PRKN: variants seen among roughly 807,000 people sequenced by gnomAD.
PRKN encodes E3 ubiquitin-protein ligase parkin.
PRKN carries 56 observed loss-of-function variants against 59.5 expected under a neutral mutation model. The observed-to-expected ratio is 0.94, with a 90% CI of 0.76 to 1.18. The LOEUF (loss-of-function observed/expected upper bound fraction) is 1.18, where lower values mean the gene tolerates loss of function less well. Ranked by LOEUF, PRKN falls within the 50% of genes most tolerant of loss-of-function variation. PRKN has a pLI of 0.00. For missense variants in PRKN, 657 were observed against 596.4 expected (o/e 1.10, Z -1.06); for synonymous variants, 250 against 222.1 (o/e 1.13, Z -1.12).
intron 2 of PRKN, among the ~76,000 whole-genome samples, chr6:162,415,687 C>A (rs1249555079): frequency 6.6e-6 from 1 of 151,988 alleles, no homozygotes; most frequent in African/African-American, 2.4e-5. Flanking sequence ...CCTGGTGACA[C>A]CCATCTGTAG....
chr6:161,793,398 T>A (rs1348191303), intron 6 of PRKN, among the ~76,000 whole-genome samples: 2 of 152,152 alleles, frequency 1.3e-5, no homozygotes, highest in Non-Finnish European at 2.9e-5. Context: ...GGGTTTACTT[T>A]GGTTCTGTAA....
intron 9 of PRKN, among the ~76,000 whole-genome samples, chr6:161,474,346 T>C (rs1176612891): frequency 4.6e-5 from 7 of 152,202 alleles, no homozygotes. Context: ...ACCAAGCCTC[T>C]TGTTTCCTAT....
At chr6:162,227,213 T>C (rs1778220319) in intron 3 of PRKN, among the ~76,000 whole-genome samples, 1 of 152,342 alleles carries the variant, frequency 6.6e-6, no homozygotes, top group South Asian at 2.1e-4. Context: ...TTTTAGTGTG[T>C]GTGTTAATTC....
chr6:161,430,334 A>C (rs188230899), intron 9 of PRKN, among the ~76,000 whole-genome samples: 2 of 152,206 alleles, frequency 1.3e-5, no homozygotes, highest in African/African-American at 4.8e-5. Flanking sequence ...CCCACCTCTT[A>C]ACACTATTAC....
chr6:161,424,095 C>T (rs1184299047), intron 9 of PRKN, among the ~76,000 whole-genome samples: 8 of 152,096 alleles, frequency 5.3e-5, no homozygotes, highest in East Asian at 3.9e-4. Flanking sequence ...CCAGCACTTT[C>T]GGAGGCCAAG....
At chr6:162,075,275 A>G (rs1005960495) in intron 4 of PRKN, among the ~76,000 whole-genome samples, 6 of 152,334 alleles carry the variant, frequency 3.9e-5, no homozygotes, top group East Asian at 3.9e-4. Flanking sequence ...CTTGATAATT[A>G]TGACTGGAAC....
chr6:162,617,575 TC>T (rs1345854830), intron 1 of PRKN, among the ~76,000 whole-genome samples: 4 of 93,058 alleles, frequency 4.3e-5, no homozygotes, highest in Admixed American at 3.4e-4. Context: ...ATGCAATTAT[TC>T]CTTCTGTCTA....
rs1175223053 is a variant in PRKN at position 161,497,249 on chromosome 6, G to A, written c.1083+51605C>T. On this transcript the variant is annotated intron_variant, in intron 9 of 11. Transcript: ENST00000366898. This position sits in a 1 kb window ranked among gnomAD's most constrained non-coding sequence, Gnocchi z 4.6. Reference sequence around the variant, plus strand: ...AGTACAGGAAGCTCTGCCAAGGAGTGGAAGGGATTTGTACCTCCTTAGGAC... The same window carrying A: ...AGTACAGGAAGCTCTGCCAAGGAGTAGAAGGGATTTGTACCTCCTTAGGAC... Among the ~76,000 whole-genome samples, 1 of 152,174 alleles carries A rather than the reference G, an allele frequency of 6.6e-6. No individual in the cohort carries two copies. The highest frequency in any genetic ancestry group is 1.5e-5 in the Non-Finnish European group (1 of 68,038).
At chr6:162,267,693 A>G (rs1204028775) in intron 2 of PRKN, among the ~76,000 whole-genome samples, 1 of 152,192 alleles carries the variant, frequency 6.6e-6, no homozygotes, top group Non-Finnish European at 1.5e-5. Context: ...TTGGTCTTAC[A>G]CTGTCAAGCA....
At chr6:162,263,310 T>G (rs1199750254) in intron 2 of PRKN, 1 of 190,076 alleles carries the variant, frequency 5.3e-6, no homozygotes, top group Non-Finnish European at 1.1e-5. Context: ...CATCTCTGTT[T>G]TACAAAAGTA....
chr6:162,603,409 T>C (rs539666267), intron 1 of PRKN, among the ~76,000 whole-genome samples: 149 of 152,340 alleles, frequency 9.8e-4, no homozygotes, highest in African/African-American at 3.4e-3. Flanking sequence ...TGCAGCCTGC[T>C]ATTGGTTTCT....
intron 2 of PRKN, among the ~76,000 whole-genome samples, chr6:162,408,921 C>T (rs1788207308): frequency 6.7e-6 from 1 of 149,182 alleles, no homozygotes; most frequent in Admixed American, 6.7e-5. Flanking sequence ...ACCTCACTTT[C>T]CCCTCCCCTC....
intron 1 of PRKN, among the ~76,000 whole-genome samples, chr6:162,553,798 T>C (rs1305136840): frequency 3.4e-5 from 2 of 59,074 alleles, no homozygotes; most frequent in South Asian, 1.6e-3. Flanking sequence ...CAAGAATCCA[T>C]CTCAAAAAAA....
rs756279225 is a variant in PRKN, at chr6:161,376,468, T to C, written c.1167+10326A>G. On this transcript the variant is annotated intron_variant, in intron 10 of 11. Transcript: ENST00000366898. The surrounding 1 kb of genome is among the most constrained non-coding windows in gnomAD (Gnocchi z 7.3). ...TGCATCAACATTAACCCGTCTCCTC[T>C]CATCCTGTCTTCTAATCCACTGCCA... 3.3e-5 allele frequency among the ~76,000 whole-genome samples: 5 copies of C among 152,208 alleles called. No homozygotes were observed. Among genetic ancestry groups the C allele is most frequent in the Non-Finnish European group, 7.3e-5 (5 of 68,032 alleles).
In PRKN at chr6:161,471,390, T is replaced by C. The variant is rs1790783960; in HGVS notation, c.1083+77464A>G. Among the ~76,000 whole-genome samples, 2 of 152,164 alleles carry C rather than the reference T, an allele frequency of 1.3e-5. No individual in the cohort carries two copies. Among genetic ancestry groups the C allele is most frequent in the South Asian group, 4.1e-4 (2 of 4,828 alleles). On this transcript the variant is annotated intron_variant, in intron 9 of 11. Transcript: ENST00000366898. The surrounding 1 kb of genome is among the most constrained non-coding windows in gnomAD (Gnocchi z 4.5). ...ATATTTGTTTATGAATTCAAACTTA[T>C]GAATATTCAATAAGTTCCCAGTATA...
intron 7 of PRKN, among the ~76,000 whole-genome samples, chr6:161,744,604 G>A (rs1788336169): frequency 6.6e-6 from 1 of 152,186 alleles, no homozygotes; most frequent in Non-Finnish European, 1.5e-5. Context: ...ATGATGACTA[G>A]GAGGTGGATT....
chr6:161,881,560 G>T (rs1256349847), intron 6 of PRKN, among the ~76,000 whole-genome samples: 4 of 152,160 alleles, frequency 2.6e-5, no homozygotes, highest in African/African-American at 9.7e-5. Flanking sequence ...GGACAAATGG[G>T]AAGAGCGTTG....
rs540617755 is a variant in PRKN at position 161,461,258 on chromosome 6, C to A, written c.1084-74381G>T. Among the ~76,000 whole-genome samples, 1 of 152,062 alleles carries A rather than the reference C, an allele frequency of 6.6e-6. No homozygotes were observed. Among genetic ancestry groups the A allele is most frequent in the Non-Finnish European group, 1.5e-5 (1 of 68,024 alleles). ...AAAAGTACTCAGTGAGTTCCGGACC[C>A]GGAAATGGTTCAACATGAGTTAAGT... is the stretch of plus-strand genomic sequence containing the variant. On this transcript the variant is annotated intron_variant, in intron 9 of 11. Coordinates refer to ENST00000366898, the MANE Select transcript of PRKN (RefSeq NM_004562.3). The surrounding 1 kb of genome is among the most constrained non-coding windows in gnomAD (Gnocchi z 5.1).
At chr6:161,367,083 C>T (rs1000343401) in intron 10 of PRKN, among the ~76,000 whole-genome samples, 3 of 149,630 alleles carry the variant, frequency 2.0e-5, no homozygotes, top group Admixed American at 1.3e-4. Context: ...CTCCGCCTCC[C>T]GGGTTCACGC....
Sources: gnomAD v4.1 joint callset for allele counts (sites outside exome capture counted in the v4.1 genomes callset) on GRCh38, gnomAD v4.1.1 for gene constraint, Gnocchi (gnomAD v3.1) non-coding constraint, MANE v1.5 for transcripts, NCBI Gene and HGNC (gene_info 2026-07-23, HGNC 2026-07-21) for gene names.